Variants in SPON1 observed in about 807,000 individuals in gnomAD.
SPON1 encodes spondin 1.
SPON1 carries 52 observed loss-of-function variants against 111.7 expected under a neutral mutation model. The observed-to-expected ratio is 0.47, with a 90% CI of 0.37 to 0.59. SPON1 has a LOEUF of 0.59. SPON1 is among the 20% of genes least tolerant of loss of function. The pLI, the probability that SPON1 is intolerant of heterozygous loss-of-function variation, is 0.00. For synonymous variants in SPON1, 410 were observed against 395.8 expected (o/e 1.04, Z -0.43); for missense variants, 957 against 1,068.5 (o/e 0.90, Z 1.46).
chr11:14,227,122 G>A (rs1350019101), intron 6 of SPON1, among the ~76,000 whole-genome samples: 1 of 152,086 alleles, frequency 6.6e-6, no homozygotes, highest in African/African-American at 2.4e-5. Context: ...GATATTTTGG[G>A]GGGCCGTTAC....
At chr11:14,119,482 G>C (rs782402064) in intron 5 of SPON1, among the ~76,000 whole-genome samples, 1 of 152,188 alleles carries the variant, frequency 6.6e-6, no homozygotes, top group Admixed American at 6.5e-5. Flanking sequence ...GCACTTGCTT[G>C]CTGGCTAAAT....
chr11:14,183,479 G>A (rs2133888335), intron 6 of SPON1, among the ~76,000 whole-genome samples: 1 of 152,308 alleles, frequency 6.6e-6, no homozygotes, highest in Middle Eastern at 3.4e-3. Context: ...TTGTTGAAAT[G>A]TTTTTAAGTT....
At chr11:14,221,128 GC>G (rs1230026293) in intron 6 of SPON1, among the ~76,000 whole-genome samples, 5 of 152,146 alleles carry the variant, frequency 3.3e-5, no homozygotes, top group African/African-American at 1.2e-4. Context: ...CATTCAACCA[GC>G]CCATTCATTT....
At chr11:13,967,622 A>G (rs1447684616) in intron 1 of SPON1, among the ~76,000 whole-genome samples, 1 of 152,032 alleles carries the variant, frequency 6.6e-6, no homozygotes, top group East Asian at 1.9e-4. Flanking sequence ...GTAAAATTAT[A>G]TGTTTGGAAA....
intron 2 of SPON1, among the ~76,000 whole-genome samples, chr11:13,989,459 C>G (rs80193277): frequency 2.0e-5 from 3 of 152,190 alleles, no homozygotes; most frequent in African/African-American, 7.2e-5. Context: ...GTCTGGCTAG[C>G]AGTCTATCTA....
intron 2 of SPON1, among the ~76,000 whole-genome samples, chr11:14,024,024 A>T (rs1554915030): frequency 6.8e-6 from 1 of 147,704 alleles, no homozygotes; most frequent in African/African-American, 2.5e-5. Context: ...AAAAGACTGG[A>T]AGGAGCAATT....
Position 14,259,949 on chromosome 11 carries a change from G to A in SPON1, c.1831+248G>A, listed in dbSNP as rs781898108. Among the ~76,000 whole-genome samples the A allele has an allele frequency of 1.3e-5, 2 of 152,196 alleles. No individual in the cohort carries two copies. Among genetic ancestry groups the A allele is most frequent in the Non-Finnish European group, 2.9e-5 (2 of 68,028 alleles). ...TGGGGTGGCAAACTGGTGGCCTCTGGATAGAGAATTCACCTGCAGCTGTGT... is the reference window on the plus strand; with the variant it reads ...TGGGGTGGCAAACTGGTGGCCTCTGAATAGAGAATTCACCTGCAGCTGTGT... On this transcript the variant is annotated intron_variant, in intron 13 of 15. Transcript: ENST00000576479. The surrounding 1 kb of genome is among the most constrained non-coding windows in gnomAD (Gnocchi z 5.0).
chr11:13,979,686 C>A (rs1848129489), intron 1 of SPON1, among the ~76,000 whole-genome samples: 1 of 152,166 alleles, frequency 6.6e-6, no homozygotes, highest in Non-Finnish European at 1.5e-5. Flanking sequence ...AGAGTAGGCT[C>A]CAGTAACCTG....
intron 2 of SPON1, among the ~76,000 whole-genome samples, chr11:14,022,458 C>T (rs1443549341): frequency 6.6e-6 from 1 of 152,174 alleles, no homozygotes; most frequent in Non-Finnish European, 1.5e-5. Context: ...CTTAGCAAAG[C>T]AAGATGATAT....
chr11:14,047,792 TA>T (rs782588058), intron 3 of SPON1, among the ~76,000 whole-genome samples: 1 of 152,126 alleles, frequency 6.6e-6, no homozygotes, highest in Non-Finnish European at 1.5e-5. Context: ...CTTTCAAGAT[TA>T]AAAAGCCTTT....
At chr11:14,199,152 T>G (rs1203404833) in intron 6 of SPON1, among the ~76,000 whole-genome samples, 2 of 152,150 alleles carry the variant, frequency 1.3e-5, no homozygotes, top group African/African-American at 4.8e-5. Flanking sequence ...GAATAAATAG[T>G]GCACAGCCTT....
chr11:14,003,719 T>C (rs777239135), intron 2 of SPON1, among the ~76,000 whole-genome samples: 9 of 152,114 alleles, frequency 5.9e-5, no homozygotes, highest in Non-Finnish European at 1.2e-4. Flanking sequence ...TACATAATGA[T>C]ATATATATAG....
rs1554942527 is a variant in SPON1, at chr11:14,266,637, T to C, written c.*950T>C. 2 of 152,022 alleles carry C rather than the reference T, an allele frequency of 1.3e-5. No individual in the cohort carries two copies. Among genetic ancestry groups the C allele is most frequent in the Non-Finnish European group, 2.9e-5 (2 of 67,978 alleles). 9.4% of individuals were successfully genotyped at this position (152,022 alleles called of 1,614,324 possible). A position where few individuals can be genotyped will look rare whatever the true frequency, so the allele number is the denominator to read the frequency against. On this transcript the variant is annotated 3_prime_UTR_variant, in exon 16 of 16. Coordinates refer to ENST00000576479, the MANE Select transcript of SPON1 (RefSeq NM_006108.4). ...AAAACATTTTTGCTATACAAACATT[T>C]TGCTAAGTCTGCCCAAAGCCCCCCC...
At chr11:14,244,247 G>A (rs183559653) in intron 7 of SPON1, among the ~76,000 whole-genome samples, 31 of 152,266 alleles carry the variant, frequency 2.0e-4, no homozygotes, top group African/African-American at 6.3e-4. Flanking sequence ...CCGGCCAGGC[G>A]CAGTGGCTTA....
intron 2 of SPON1, among the ~76,000 whole-genome samples, chr11:13,996,659 T>G (rs1466917609): frequency 6.6e-6 from 1 of 152,164 alleles, no homozygotes; most frequent in Admixed American, 6.5e-5. Flanking sequence ...CATTAACATT[T>G]GGGTATATTT....
At chr11:13,984,910 TC>T (rs1554910137) in intron 2 of SPON1, among the ~76,000 whole-genome samples, 1 of 152,204 alleles carries the variant, frequency 6.6e-6, no homozygotes, top group African/African-American at 2.4e-5. Flanking sequence ...GTTGTTGAAC[TC>T]CTATCTCTGT....
At chr11:14,216,160 T>A (rs782359533) in intron 6 of SPON1, among the ~76,000 whole-genome samples, 1 of 152,220 alleles carries the variant, frequency 6.6e-6, no homozygotes, top group Admixed American at 6.5e-5. Context: ...TTTGGAAAGA[T>A]GCACATACAG....
chr11:14,226,352 A>ACATTT (rs1327462276), intron 6 of SPON1, among the ~76,000 whole-genome samples: 1 of 152,222 alleles, frequency 6.6e-6, no homozygotes, highest in East Asian at 1.9e-4. Context: ...TGGAAAACTG[A>ACATTT]CATTTTTTAA....
At chr11:14,052,170 T>C (rs113983778) in intron 3 of SPON1, among the ~76,000 whole-genome samples, 1 of 152,150 alleles carries the variant, frequency 6.6e-6, no homozygotes, top group African/African-American at 2.4e-5. Context: ...GGAAACTAAA[T>C]GTCACTTAGA....
Sources: gnomAD v4.1 joint callset for allele counts (sites outside exome capture counted in the v4.1 genomes callset) on GRCh38, gnomAD v4.1.1 for gene constraint, Gnocchi (gnomAD v3.1) non-coding constraint, MANE v1.5 for transcripts, NCBI Gene and HGNC (gene_info 2026-07-23, HGNC 2026-07-21) for gene names.